Variants in KDM4C observed in about 807,000 individuals in gnomAD.
KDM4C encodes lysine-specific demethylase 4C.
Under a neutral mutation model 129.3 loss-of-function variants are expected in KDM4C, and 81 were observed. The observed-to-expected ratio is 0.63, with a 90% CI of 0.52 to 0.75. The LOEUF is 0.75. KDM4C is among the 30% of genes least tolerant of loss of function. KDM4C has a pLI of 0.00. For missense variants in KDM4C, 1,457 were observed against 1,304.0 expected (o/e 1.12, Z -1.81); for synonymous variants, 573 against 456.1 (o/e 1.26, Z -3.26).
At chr9:7,128,043 CT>C (rs1840206614) in intron 18 of KDM4C, 22 bp from the exon 19 acceptor site, 4 of 1,439,870 alleles carry the variant, frequency 2.8e-6, no homozygotes, top group South Asian at 3.3e-5. Flanking sequence ...TCTTTTCTTC[CT>C]TTTTTGTGTC....
At chr9:6,879,182 G>A (rs1844057148) in intron 5 of KDM4C, among the ~76,000 whole-genome samples, 1 of 151,986 alleles carries the variant, frequency 6.6e-6, no homozygotes, top group Non-Finnish European at 1.5e-5. Flanking sequence ...GTCTTCAAAA[G>A]TATAGTTTAT....
chr9:7,165,508 C>T, intron 20 of KDM4C, 151 bp downstream of exon 20: 1 of 875,200 alleles, frequency 1.1e-6, no homozygotes, highest in South Asian at 1.8e-5. Context: ...GTGTAATGAC[C>T]CAGGTCGAAA....
chr9:6,898,708 A>G (rs1006968120), intron 8 of KDM4C, among the ~76,000 whole-genome samples: 18 of 152,200 alleles, frequency 1.2e-4, no homozygotes, highest in African/African-American at 3.9e-4. Context: ...TCTAGCATGT[A>G]AGTGCCATGA....
At chr9:6,961,770 C>A (rs1373605390) in intron 8 of KDM4C, among the ~76,000 whole-genome samples, 4 of 152,178 alleles carry the variant, frequency 2.6e-5, no homozygotes, top group African/African-American at 9.6e-5. Context: ...AGCTTTATTA[C>A]TTTTCTGTCA....
chr9:6,925,538 C>T, intron 8 of KDM4C: 1 of 944,678 alleles, frequency 1.1e-6, no homozygotes, highest in Non-Finnish European at 1.3e-6. Flanking sequence ...TCAAGCAGTC[C>T]TCCCACCTTG....
intron 8 of KDM4C, among the ~76,000 whole-genome samples, chr9:6,946,162 T>C (rs888841247): frequency 6.6e-6 from 1 of 152,164 alleles, no homozygotes; most frequent in South Asian, 2.1e-4. Flanking sequence ...GTAGTTGCAA[T>C]TGATACTATA....
At chr9:7,041,571 T>C (rs1828616590) in intron 15 of KDM4C, among the ~76,000 whole-genome samples, 1 of 152,016 alleles carries the variant, frequency 6.6e-6, no homozygotes, top group Admixed American at 6.6e-5. Flanking sequence ...TTATATCTTG[T>C]ACTTTTTTGA....
chr9:6,785,922 G>A (rs139083815), intron 1 of KDM4C, among the ~76,000 whole-genome samples: 34 of 152,284 alleles, frequency 2.2e-4, no homozygotes, highest in Middle Eastern at 3.4e-3. Context: ...ATCACCTCAG[G>A]TAGGGCCCAG....
chr9:6,724,775 C>T (rs1817068699), intron 1 of KDM4C, among the ~76,000 whole-genome samples: 1 of 152,132 alleles, frequency 6.6e-6, no homozygotes, highest in Non-Finnish European at 1.5e-5. Flanking sequence ...GTGATCTGCC[C>T]ACCTCGGCCT....
intron 1 of KDM4C, among the ~76,000 whole-genome samples, chr9:6,750,641 T>C (rs939147065): frequency 1.3e-5 from 2 of 152,180 alleles, no homozygotes; most frequent in East Asian, 1.9e-4. Flanking sequence ...TCTCTTAAGT[T>C]TGACACTGAG....
At chr9:6,831,211 C>T (rs1282039370) in intron 4 of KDM4C, among the ~76,000 whole-genome samples, 1 of 152,020 alleles carries the variant, frequency 6.6e-6, no homozygotes, top group African/African-American at 2.4e-5. Flanking sequence ...TAATAAAGAC[C>T]TCAGAATCAG....
intron 8 of KDM4C, among the ~76,000 whole-genome samples, chr9:6,927,868 TC>T (rs1357164410): frequency 6.6e-6 from 1 of 152,222 alleles, no homozygotes; most frequent in Non-Finnish European, 1.5e-5. Context: ...ATCTGGCTGT[TC>T]CACTGAAACT....
At chr9:6,755,187 C>A (rs139067527), upstream of KDM4C, among the ~76,000 whole-genome samples, 2 of 152,118 alleles carry the variant, frequency 1.3e-5, no homozygotes, top group Non-Finnish European at 2.9e-5. Context: ...CTGGCTAACA[C>A]GGTGAAACCC....
chr9:6,980,293 C>G (rs1933139199), intron 8 of KDM4C, among the ~76,000 whole-genome samples: 3 of 152,068 alleles, frequency 2.0e-5, no homozygotes, highest in South Asian at 4.1e-4. Flanking sequence ...ATAGTAGATT[C>G]AAAATAATTT....
chr9:7,149,267 G>C (rs1014703887), intron 19 of KDM4C, among the ~76,000 whole-genome samples: 4 of 152,374 alleles, frequency 2.6e-5, no homozygotes, highest in African/African-American at 9.6e-5. Context: ...TCGCTACAGT[G>C]CCTGGGCTCA....
chr9:6,830,557 C>T (rs1312625246), intron 4 of KDM4C, among the ~76,000 whole-genome samples: 1 of 152,188 alleles, frequency 6.6e-6, no homozygotes, highest in Admixed American at 6.5e-5. Flanking sequence ...ATGGTTTTCT[C>T]TTCTTTGCAG....
chr9:7,126,388 A>G (rs933428745), intron 18 of KDM4C, among the ~76,000 whole-genome samples: 3 of 152,234 alleles, frequency 2.0e-5, no homozygotes, highest in African/African-American at 7.2e-5. Flanking sequence ...AACTATTAAT[A>G]CAGCTCTTCT....
intron 17 of KDM4C, chr9:7,076,343 G>A (rs952919164): frequency 1.2e-6 from 1 of 863,712 alleles, no homozygotes; most frequent in East Asian, 2.6e-5. Context: ...GATTAAATTA[G>A]TTTGTCTCAT....
chr9:6,851,765 C>T (rs1015134453), intron 5 of KDM4C, among the ~76,000 whole-genome samples: 6 of 152,136 alleles, frequency 3.9e-5, no homozygotes, highest in Non-Finnish European at 8.8e-5. Context: ...GATGTTGTCT[C>T]CTAATGATCA....
Sources: gnomAD v4.1 joint callset for allele counts (sites outside exome capture counted in the v4.1 genomes callset) on GRCh38, gnomAD v4.1.1 for gene constraint, MANE v1.5 for transcripts, NCBI Gene and HGNC (gene_info 2026-07-23, HGNC 2026-07-21) for gene names.